The following PTPRD variants were observed in gnomAD, a reference collection of about 807,000 sequenced individuals.
The protein encoded by PTPRD is receptor-type tyrosine-protein phosphatase delta.
A neutral mutation model predicts 214.5 loss-of-function variants in PTPRD; 34 were observed. The ratio of observed to expected loss-of-function variants is 0.16; its 90% CI spans 0.12 to 0.21. PTPRD has a LOEUF of 0.21. Ranked by LOEUF, PTPRD falls within the 10% of genes least tolerant of loss-of-function variation. PTPRD has a pLI of 1.00. For synonymous variants in PTPRD, 1,128 were observed against 845.7 expected (o/e 1.33, Z -5.79); for missense variants, 2,545 against 2,398.7 (o/e 1.06, Z -1.27).
At chr9:10,554,724 C>G (rs1393880940) in intron 2 of PTPRD, among the ~76,000 whole-genome samples, 1 of 151,976 alleles carries the variant, frequency 6.6e-6, no homozygotes, top group East Asian at 1.9e-4. Context: ...GCAGTGGCAC[C>G]ATCTTGGCTC....
chr9:10,309,154 C>T (rs1307588767), intron 3 of PTPRD, among the ~76,000 whole-genome samples: 1 of 152,050 alleles, frequency 6.6e-6, no homozygotes, highest in African/African-American at 2.4e-5. Context: ...TGACGGATTT[C>T]ATCTCCATAT....
intron 4 of PTPRD, among the ~76,000 whole-genome samples, chr9:9,983,518 G>A (rs369500788): frequency 6.6e-6 from 1 of 152,260 alleles, no homozygotes; most frequent in Admixed American, 6.5e-5. Context: ...TACAGGCAAA[G>A]CACTTAGTAC....
intron 11 of PTPRD, among the ~76,000 whole-genome samples, chr9:8,870,695 C>CACACACACACAT (rs1029993551): frequency 2.0e-5 from 3 of 146,536 alleles, no homozygotes; most frequent in Non-Finnish European, 4.5e-5. Context: ...GAAACACACA[C>CACACACACACAT]ACACACACAC....
At chr9:10,181,336 G>A (rs1293274777) in intron 3 of PTPRD, among the ~76,000 whole-genome samples, 1 of 152,092 alleles carries the variant, frequency 6.6e-6, no homozygotes, top group African/African-American at 2.4e-5. Context: ...AGCGTATATG[G>A]AATTTCAAAA....
intron 3 of PTPRD, among the ~76,000 whole-genome samples, chr9:10,333,275 C>G (rs915571030): frequency 6.6e-6 from 1 of 151,770 alleles, no homozygotes; most frequent in Non-Finnish European, 1.5e-5. Context: ...GGGTTGAAGT[C>G]ACCCAGGAAC....
At chr9:8,781,535 C>A (rs547527531) in intron 11 of PTPRD, among the ~76,000 whole-genome samples, 21 of 152,164 alleles carry the variant, frequency 1.4e-4, no homozygotes, top group Admixed American at 9.8e-4. Context: ...TATAGGAAAA[C>A]AGGAAAAAAG....
At chr9:8,378,662 A>G (rs1156793) in intron 37 of PTPRD, among the ~76,000 whole-genome samples, 52,766 of 151,886 alleles carry the variant, frequency 0.35, 11,242 homozygotes, top group African/African-American at 0.56. Flanking sequence ...TGAAATCCCT[A>G]AGGACAAATA....
chr9:9,285,100 T>G lies in PTPRD; in HGVS notation c.-202-101737A>C, dbSNP rs552657415. Among the ~76,000 whole-genome samples, 9 of 151,880 alleles carry G rather than the reference T, an allele frequency of 5.9e-5. No individual in the cohort carries two copies. In the South Asian group the frequency reaches 1.9e-3, roughly 31 times the overall value. ...CTAGTATGTAATATAAAACCTCACA[T>G]ATTTGGCATGAATAGTTTTGAATTC... On this transcript the variant is annotated intron_variant, in intron 9 of 45. Transcript: ENST00000381196.
intron 9 of PTPRD, among the ~76,000 whole-genome samples, chr9:9,198,793 T>C (rs2099940169): frequency 6.6e-6 from 1 of 152,200 alleles, no homozygotes; most frequent in African/African-American, 2.4e-5. Flanking sequence ...ATCTGATTTA[T>C]CCCTGAGATA....
intron 2 of PTPRD, among the ~76,000 whole-genome samples, chr9:10,404,266 T>C (rs964256856): frequency 1.1e-4 from 16 of 151,818 alleles, no homozygotes; most frequent in African/African-American, 3.9e-4. Flanking sequence ...GATTTCTAAA[T>C]AGTTGTTTTT....
intron 4 of PTPRD, among the ~76,000 whole-genome samples, chr9:9,967,610 G>A (rs892901847): frequency 6.6e-6 from 1 of 152,174 alleles, no homozygotes; most frequent in Non-Finnish European, 1.5e-5. Flanking sequence ...GAGGTTCATA[G>A]GGTTTAAGAG....
chr9:8,379,594 C>T (rs2084328327), intron 37 of PTPRD, among the ~76,000 whole-genome samples: 1 of 152,090 alleles, frequency 6.6e-6, no homozygotes, highest in South Asian at 2.1e-4. Context: ...TCTCCATTTT[C>T]CTCTCTTAAA....
chr9:9,072,822 G>GTA (rs1332191369), intron 10 of PTPRD, among the ~76,000 whole-genome samples: 1 of 152,140 alleles, frequency 6.6e-6, no homozygotes, highest in East Asian at 1.9e-4. Flanking sequence ...TTTGCCTTGT[G>GTA]TATATTCCTT....
chr9:10,150,119 T>A (rs544027592), intron 3 of PTPRD, among the ~76,000 whole-genome samples: 1 of 152,270 alleles, frequency 6.6e-6, no homozygotes, highest in South Asian at 2.1e-4. Context: ...ATCTAGACAC[T>A]AGAAATAATT....
At chr9:9,639,899 A>G (rs1339376114) in intron 7 of PTPRD, among the ~76,000 whole-genome samples, 1 of 152,248 alleles carries the variant, frequency 6.6e-6, no homozygotes, top group Admixed American at 6.5e-5. Context: ...TTTCTTCAAA[A>G]TGAAGAGATT....
At chr9:9,001,550 T>C (rs957608217) in intron 11 of PTPRD, among the ~76,000 whole-genome samples, 9 of 152,014 alleles carry the variant, frequency 5.9e-5, no homozygotes, top group African/African-American at 2.2e-4. Context: ...GGTTCAATAC[T>C]TAAAGCTCTG....
At chr9:10,058,464 A>G (rs1014417333) in intron 3 of PTPRD, among the ~76,000 whole-genome samples, 1 of 152,078 alleles carries the variant, frequency 6.6e-6, no homozygotes, top group Admixed American at 6.6e-5. Context: ...ATTTAAATCT[A>G]TGCTCCCAGG....
At chr9:9,855,364 G>C (rs75791595) in intron 5 of PTPRD, among the ~76,000 whole-genome samples, 2,973 of 152,212 alleles carry the variant, frequency 0.02, 97 homozygotes, top group African/African-American at 0.068. Context: ...GTAAAACAAA[G>C]GGGAGGAGCT....
At chr9:9,952,993 C>G (rs1254729927) in intron 4 of PTPRD, among the ~76,000 whole-genome samples, 1 of 152,012 alleles carries the variant, frequency 6.6e-6, no homozygotes, top group African/African-American at 2.4e-5. Flanking sequence ...ATTGTGGAAG[C>G]CAGAAAAAAT....
Sources: allele counts gnomAD v4.1 joint callset (sites outside exome capture counted in the v4.1 genomes callset), GRCh38; gene constraint gnomAD v4.1.1; transcripts MANE v1.5; gene names NCBI Gene and HGNC (gene_info 2026-07-23, HGNC 2026-07-21).